The following KIF1B variants were observed in gnomAD, a reference collection of about 807,000 sequenced individuals.
The protein encoded by KIF1B is kinesin family member 1B.
A neutral mutation model predicts 241.9 loss-of-function variants in KIF1B; 76 were observed. The ratio of observed to expected loss-of-function variants is 0.31; its 90% CI spans 0.26 to 0.38. KIF1B has a LOEUF of 0.38. Among genes scored for constraint, KIF1B ranks in the 10% least tolerant of loss-of-function variants. The pLI is 1.00. For synonymous variants in KIF1B, 750 were observed against 796.7 expected (o/e 0.94, Z 0.99); for missense variants, 1,622 against 2,271.4 (o/e 0.71, Z 5.81).
At chr1:10,238,040 GA>G (rs1647081096) in intron 2 of KIF1B, among the ~76,000 whole-genome samples, 2 of 151,986 alleles carry the variant, frequency 1.3e-5, no homozygotes, top group Admixed American at 1.3e-4. Context: ...GAAAATTTGG[GA>G]TGGAGGAAGG....
chr1:10,359,539 A>C (rs1638353953), intron 38 of KIF1B, among the ~76,000 whole-genome samples: 2 of 152,240 alleles, frequency 1.3e-5, no homozygotes, highest in Admixed American at 6.5e-5. Context: ...TAGAAAAAAA[A>C]CGATATTAGA....
intron 3 of KIF1B, 138 bp downstream of exon 3, chr1:10,256,461 A>G (rs1343059148): frequency 1.4e-6 from 1 of 706,044 alleles, no homozygotes. Context: ...TCTTTGATAC[A>G]GTGATATAGT....
intron 2 of KIF1B, among the ~76,000 whole-genome samples, chr1:10,238,423 G>T (rs1050935851): frequency 1.3e-4 from 20 of 148,896 alleles, no homozygotes; most frequent in Non-Finnish European, 2.1e-4. Context: ...ATGCATTTAG[G>T]CCAGGTGTGA....
chr1:10,321,945 CT>C, intron 24 of KIF1B, 88 bp downstream of exon 24: 1 of 1,459,404 alleles, frequency 6.9e-7, no homozygotes, highest in East Asian at 2.3e-5. Flanking sequence ...TTAACCTTTC[CT>C]TTGGGGGAAC....
intron 6 of KIF1B, 108 bp from the exon 7 acceptor site, chr1:10,268,044 T>TTA (rs1286029272): frequency 1.3e-6 from 1 of 776,744 alleles, no homozygotes; most frequent in Non-Finnish European, 2.3e-6. Context: ...GTGAATAAGT[T>TTA]TAAGACTATT....
Position 10,326,228 on chromosome 1 carries a change from G to A in KIF1B, c.2793G>A (p.Met931Ile). ...TELADEQQDE[M>I]EDFDDEAFVD... ...TGGCTGACGAGCAGCAAGATGAGAT[G>A]GAGGATTTTGATGATGAGGCATTCG... Residue 931 changes from methionine to isoleucine, a missense_variant, in exon 27 of 49, where the codon ATG becomes ATA. Transcript: ENST00000676179. The surrounding 1 kb of genome is among the most constrained non-coding windows in gnomAD (Gnocchi z 5.2). The A allele has an allele frequency of 6.2e-7, 1 of 1,614,188 alleles. No homozygotes were observed. Among genetic ancestry groups the A allele is most frequent in the Non-Finnish European group, 8.5e-7 (1 of 1,180,030 alleles).
rs1639001379 is a variant in KIF1B, at chr1:10,380,746, G to A, written c.*4159G>A. On this transcript the variant is annotated 3_prime_UTR_variant, in exon 49 of 49. Coordinates refer to ENST00000676179, the MANE Select transcript of KIF1B (RefSeq NM_001365951.3). ...ATTCATGATGCTGCTGCTCCCAGAA[G>A]GTTTGCTGGATGTGTTTACATAGGA... The A allele has an allele frequency of 9.3e-6, 2 of 215,704 alleles. No homozygotes were observed. Among genetic ancestry groups the A allele is most frequent in the African/African-American group, 2.3e-5 (1 of 44,266 alleles). The allele number at this position is 215,704 out of a possible 1,614,324, so 13.4% of individuals were successfully genotyped here. A position where few individuals can be genotyped will look rare whatever the true frequency, so the allele number is the denominator to read the frequency against.
intron 44 of KIF1B, among the ~76,000 whole-genome samples, chr1:10,370,662 A>G (rs1638707556): frequency 6.6e-6 from 1 of 150,910 alleles, no homozygotes. Flanking sequence ...TAATAATAAT[A>G]ATAATAATGA....
At chr1:10,305,969 T>C in intron 22 of KIF1B, 1 of 1,052,546 alleles carries the variant, frequency 9.5e-7, no homozygotes. Flanking sequence ...TTCCAAACGG[T>C]GTGAAAAACT....
chr1:10,289,364 T>C (rs1440326132), intron 15 of KIF1B, among the ~76,000 whole-genome samples: 1 of 152,148 alleles, frequency 6.6e-6, no homozygotes, highest in Non-Finnish European at 1.5e-5. Context: ...ACATTATTCC[T>C]AGAAAACTCC....
chr1:10,297,136 T>C (rs1293801465), intron 21 of KIF1B, 38 bp from the exon 22 acceptor site: 13 of 1,607,964 alleles, frequency 8.1e-6, no homozygotes, highest in Non-Finnish European at 8.5e-7. Flanking sequence ...GTAATACTAA[T>C]AGCATTCTTG....
intron 15 of KIF1B, among the ~76,000 whole-genome samples, chr1:10,288,405 G>A (rs1324215553): frequency 6.6e-6 from 1 of 152,144 alleles, no homozygotes; most frequent in East Asian, 1.9e-4. Flanking sequence ...CCATTTGTGG[G>A]GCGGCATGTG....
chr1:10,259,085 A>G (rs901016127), intron 4 of KIF1B, among the ~76,000 whole-genome samples: 1 of 149,966 alleles, frequency 6.7e-6, no homozygotes, highest in Non-Finnish European at 1.5e-5. Context: ...TTATTCGGAG[A>G]TACTTTCATT....
In KIF1B at chr1:10,337,670, T is replaced by G. The variant is rs1489059158; in HGVS notation, c.3422+137T>G. On this transcript the variant is annotated intron_variant, in intron 31 of 48. Coordinates refer to ENST00000676179, the MANE Select transcript of KIF1B (RefSeq NM_001365951.3). This position sits in a 1 kb window ranked among gnomAD's most constrained non-coding sequence, Gnocchi z 4.0. The stretch of plus-strand genomic sequence containing the variant: ...CTGATCAGTCTCTGAAGGAAAATAC[T>G]TTCATCACTCCTATGGGAGTGAGAA... The G allele has an allele frequency of 5.0e-6, 5 of 992,162 alleles. 1 individual carries two copies. In the African/African-American group the frequency reaches 8.1e-5, roughly 16 times the overall value. The allele number at this position is 992,162 out of a possible 1,614,324, so 61.5% of individuals were successfully genotyped here. A position where few individuals can be genotyped will look rare whatever the true frequency, so the allele number is the denominator to read the frequency against.
At chr1:10,216,748 C>T (rs1646771764) in intron 1 of KIF1B, among the ~76,000 whole-genome samples, 1 of 152,036 alleles carries the variant, frequency 6.6e-6, no homozygotes, top group South Asian at 2.1e-4. Context: ...AATACCTTGC[C>T]TGCCACCTCA....
chr1:10,350,965 A>G (rs1267911889), intron 37 of KIF1B, among the ~76,000 whole-genome samples: 1 of 151,608 alleles, frequency 6.6e-6, no homozygotes, highest in Non-Finnish European at 1.5e-5. Context: ...GCTCATGCCT[A>G]TAGTCTCAAC....
intron 44 of KIF1B, among the ~76,000 whole-genome samples, chr1:10,369,219 T>A (rs1439065816): frequency 6.6e-6 from 1 of 152,258 alleles, no homozygotes; most frequent in Non-Finnish European, 1.5e-5. Flanking sequence ...TGATGCTTTT[T>A]AAAGTGTTTG....
At chr1:10,375,099 G>T in intron 47 of KIF1B, 53 bp downstream of exon 47, 1 of 1,585,178 alleles carries the variant, frequency 6.3e-7, no homozygotes, top group South Asian at 1.1e-5. Context: ...CTTCTCTTTT[G>T]ATTTCTGCAC....
intron 38 of KIF1B, among the ~76,000 whole-genome samples, chr1:10,354,727 G>T (rs916773565): frequency 1.3e-5 from 2 of 152,128 alleles, no homozygotes; most frequent in African/African-American, 4.8e-5. Context: ...TCAACTCTTC[G>T]GAGCGAAGTG....
Sources: allele counts gnomAD v4.1 joint callset (sites outside exome capture counted in the v4.1 genomes callset), GRCh38; gene constraint gnomAD v4.1.1; non-coding constraint Gnocchi (gnomAD v3.1); transcripts MANE v1.5; gene names NCBI Gene and HGNC (gene_info 2026-07-23, HGNC 2026-07-21).